UNC13C: variants seen among roughly 807,000 people sequenced by gnomAD.
UNC13C encodes the protein protein unc-13 homolog C.
In UNC13C, 174 loss-of-function variants were observed where a neutral mutation model predicts 245.4. The observed-to-expected ratio is 0.71, with a 90% confidence interval of 0.63 to 0.80. The LOEUF is 0.80. UNC13C is among the 30% of genes least tolerant of loss of function. UNC13C has a pLI of 0.00. For synonymous variants in UNC13C, 992 were observed against 895.1 expected (o/e 1.11, Z -1.93); for missense variants, 2,829 against 2,602.9 (o/e 1.09, Z -1.89).
At chr15:54,501,584 G>T (rs757455727) in intron 22 of UNC13C, among the ~76,000 whole-genome samples, 4 of 152,052 alleles carry the variant, frequency 2.6e-5, no homozygotes, top group Admixed American at 6.6e-5. Flanking sequence ...AAAAGAAGCA[G>T]CCACTGTCTA....
intron 1 of UNC13C, among the ~76,000 whole-genome samples, chr15:54,007,960 C>T (rs993854366): frequency 6.6e-6 from 1 of 152,116 alleles, no homozygotes. Flanking sequence ...TCTAAATATC[C>T]AGCTCACCTG....
chr15:54,211,008 C>T (rs2034862432), intron 4 of UNC13C, among the ~76,000 whole-genome samples: 1 of 152,046 alleles, frequency 6.6e-6, no homozygotes, highest in African/African-American at 2.4e-5. Flanking sequence ...CCTCTACTAG[C>T]AAGACGTAAA....
chr15:54,493,096 T>C (rs1237217410), intron 19 of UNC13C, among the ~76,000 whole-genome samples: 2 of 152,184 alleles, frequency 1.3e-5, no homozygotes, highest in African/African-American at 4.8e-5. Context: ...CGAGCGAAGG[T>C]CTCCATGATC....
At chr15:54,112,414 G>T (rs1900825700) in intron 2 of UNC13C, among the ~76,000 whole-genome samples, 1 of 152,114 alleles carries the variant, frequency 6.6e-6, no homozygotes, top group South Asian at 2.1e-4. Context: ...CCCAAAGATT[G>T]GCCCAGGCAT....
chr15:53,931,249 A>G, the UNC13C span, among the ~76,000 whole-genome samples: 4 of 151,960 alleles, frequency 2.6e-5, no homozygotes, highest in African/African-American at 9.7e-5. Context: ...GTTCACTGCA[A>G]CCTCTGCCTC....
intron 4 of UNC13C, among the ~76,000 whole-genome samples, chr15:54,173,482 T>A (rs2033493460): frequency 6.6e-6 from 1 of 152,116 alleles, no homozygotes; most frequent in Admixed American, 6.5e-5. Flanking sequence ...TTGGATGCTG[T>A]TAAAATTTAT....
chr15:54,278,687 G>A (rs74015106), intron 10 of UNC13C, among the ~76,000 whole-genome samples: 2,713 of 152,132 alleles, frequency 0.018, 85 homozygotes, highest in African/African-American at 0.063. Flanking sequence ...TACTTGCAAA[G>A]CACATACTGG....
chr15:53,854,634 A>C, the UNC13C span, among the ~76,000 whole-genome samples: 1 of 152,074 alleles, frequency 6.6e-6, no homozygotes, highest in African/African-American at 2.4e-5. Flanking sequence ...TGAGTTCTCT[A>C]TTCTGTTCCA....
intron 4 of UNC13C, among the ~76,000 whole-genome samples, chr15:54,228,860 A>G (rs2035469454): frequency 6.6e-6 from 1 of 152,182 alleles, no homozygotes; most frequent in Admixed American, 6.5e-5. Context: ...TGAGCCACCT[A>G]GATGGTGTAT....
intron 10 of UNC13C, among the ~76,000 whole-genome samples, chr15:54,276,809 A>T (rs2036845326): frequency 6.6e-6 from 1 of 152,114 alleles, no homozygotes; most frequent in Non-Finnish European, 1.5e-5. Context: ...TTTTTGATAC[A>T]GTCCTTCCAA....
chr15:54,121,399 C>A (rs1224728678), intron 2 of UNC13C, among the ~76,000 whole-genome samples: 14 of 152,002 alleles, frequency 9.2e-5, no homozygotes, highest in Non-Finnish European at 1.6e-4. Context: ...TGCTATTAAA[C>A]TAGGAAACCA....
the UNC13C span, among the ~76,000 whole-genome samples, chr15:53,941,921 G>T: frequency 6.6e-6 from 1 of 152,146 alleles, no homozygotes; most frequent in Non-Finnish European, 1.5e-5. Context: ...TGCTGATGAG[G>T]TTGCCGAGAA....
chr15:53,996,580 G>C (rs901508081), intron 1 of UNC13C, among the ~76,000 whole-genome samples: 16 of 152,086 alleles, frequency 1.1e-4, no homozygotes, highest in Non-Finnish European at 1.5e-5. Context: ...CTAAGATATA[G>C]AGCATTTCTA....
chr15:54,199,801 A>G (rs2034465245), intron 4 of UNC13C, among the ~76,000 whole-genome samples: 1 of 152,196 alleles, frequency 6.6e-6, no homozygotes, highest in Non-Finnish European at 1.5e-5. Flanking sequence ...CAAGGTATTC[A>G]GTCAACAAAT....
At chr15:54,241,047 G>A (rs907976001) in intron 7 of UNC13C, among the ~76,000 whole-genome samples, 1 of 152,158 alleles carries the variant, frequency 6.6e-6, no homozygotes, top group African/African-American at 2.4e-5. Context: ...ACTTAATTTT[G>A]TATCCACTCT....
chr15:54,582,026 G>A (rs1898224338), intron 30 of UNC13C, among the ~76,000 whole-genome samples: 1 of 151,922 alleles, frequency 6.6e-6, no homozygotes, highest in South Asian at 2.1e-4. Context: ...GGAGAAAGGG[G>A]AGGAAGGAAA....
rs560341755 is a variant in UNC13C, at chr15:54,056,989, C to T, written c.2983+41103C>T. ...TAAATATAGAAAGGAACAACTGGTA[C>T]CAGCCACTGCCAAAACATGCCAAAT... On this transcript the variant is annotated intron_variant, in intron 2 of 32. Transcript: ENST00000260323. Among the ~76,000 whole-genome samples, 3 of 152,282 alleles carry T rather than the reference C, an allele frequency of 2.0e-5. No homozygotes were observed. In the South Asian group the frequency reaches 6.2e-4, roughly 32 times the overall value.
chr15:53,980,651 A>G (rs1453968415), intron 1 of UNC13C, among the ~76,000 whole-genome samples: 4 of 152,150 alleles, frequency 2.6e-5, no homozygotes, highest in African/African-American at 9.7e-5. Flanking sequence ...ATAGTAGGTA[A>G]GGGTTTATTT....
At chr15:54,196,213 C>A (rs77969678) in intron 4 of UNC13C, among the ~76,000 whole-genome samples, 2,182 of 152,112 alleles carry the variant, frequency 0.014, 37 homozygotes, top group Middle Eastern at 0.02. Context: ...AATAAGGGAA[C>A]TTTTTACAGG....
Sources: gnomAD v4.1 joint callset for allele counts (sites outside exome capture counted in the v4.1 genomes callset) on GRCh38, gnomAD v4.1.1 for gene constraint, MANE v1.5 for transcripts, NCBI Gene and HGNC (gene_info 2026-07-23, HGNC 2026-07-21) for gene names.